ATAD2B: variants seen among roughly 807,000 people sequenced by gnomAD.
ATAD2B encodes ATPase family AAA domain-containing protein 2B.
A neutral mutation model predicts 167.6 loss-of-function variants in ATAD2B; 40 were observed. That is an observed-to-expected ratio of 0.24 (90% CI 0.19 to 0.31). The LOEUF is 0.31. Ranked by LOEUF, ATAD2B falls within the 10% of genes least tolerant of loss-of-function variation. ATAD2B has a pLI of 1.00. For missense variants in ATAD2B, 1,242 were observed against 1,757.2 expected (o/e 0.71, Z 5.24); for synonymous variants, 579 against 596.5 (o/e 0.97, Z 0.43).
intron 15 of ATAD2B, 85 bp downstream of exon 15, chr2:23,828,764 T>A: frequency 2.4e-6 from 2 of 816,330 alleles, no homozygotes; most frequent in African/African-American, 3.4e-5. Flanking sequence ...AACATAACTA[T>A]GCTCATTCAC....
In ATAD2B at chr2:23,754,648, T is replaced by C; in HGVS notation, c.4205A>G (p.Lys1402Arg). The change falls in exon 26 of 28, where the codon AAG becomes AGG. Residue 1402 changes from lysine to arginine, a missense_variant and splice_region_variant. Around this residue, in one of 9 missense-constraint regions of ATAD2B, gnomAD observed 282 missense variants for 346.8 expected, o/e 0.81. Coordinates refer to ENST00000238789, the MANE Select transcript of ATAD2B (RefSeq NM_017552.4). ...PPLIVDRERL[K>R]KLLDLLVDKS... ...TTGACTGGGAATAGCTAAGCTTACCTTCAATCTCTCACGATCAACTATAAG... is the reference window on the plus strand; with the variant it reads ...TTGACTGGGAATAGCTAAGCTTACCCTCAATCTCTCACGATCAACTATAAG... 6.2e-7 allele frequency: 1 copy of C among 1,611,722 alleles called. No homozygotes were observed. Among genetic ancestry groups the C allele is most frequent in the African/African-American group, 1.3e-5 (1 of 74,874 alleles).
At chr2:23,880,777 G>T in intron 6 of ATAD2B, 22 bp from the exon 7 acceptor site, 3 of 1,418,264 alleles carry the variant, frequency 2.1e-6, no homozygotes, top group Non-Finnish European at 2.0e-6. Flanking sequence ...CACACAAAAA[G>T]AAAAGAAAAA....
chr2:23,706,912 A>T, the ATAD2B span: 3 of 416,678 alleles, frequency 7.2e-6, no homozygotes, highest in South Asian at 1.5e-4. Context: ...CCTCCTGAAC[A>T]GGGGCGCTCG....
At chr2:23,916,528 A>G (rs1242484506) in intron 1 of ATAD2B, among the ~76,000 whole-genome samples, 2 of 152,206 alleles carry the variant, frequency 1.3e-5, no homozygotes, top group Non-Finnish European at 2.9e-5. Flanking sequence ...TCCAAACCCT[A>G]ATCACAAAAC....
chr2:23,819,922 T>C, intron 16 of ATAD2B, 40 bp from the exon 17 acceptor site: 2 of 1,437,098 alleles, frequency 1.4e-6, no homozygotes, highest in Non-Finnish European at 1.9e-6. Flanking sequence ...GCTTATAAAG[T>C]CATTTAATAT....
At chr2:23,804,859 G>A (rs1420715225) in intron 18 of ATAD2B, among the ~76,000 whole-genome samples, 1 of 151,812 alleles carries the variant, frequency 6.6e-6, no homozygotes, top group Admixed American at 6.6e-5. Flanking sequence ...ATTTCTCTTG[G>A]CTGGGCACAG....
At chr2:23,920,667 A>G (rs532420324) in intron 1 of ATAD2B, among the ~76,000 whole-genome samples, 2 of 152,314 alleles carry the variant, frequency 1.3e-5, no homozygotes, top group Non-Finnish European at 2.9e-5. Context: ...AGCCAAAGGT[A>G]TATATCCTAC....
the ATAD2B span, among the ~76,000 whole-genome samples, chr2:23,702,542 G>C: frequency 6.6e-6 from 1 of 152,072 alleles, no homozygotes; most frequent in Non-Finnish European, 1.5e-5. Flanking sequence ...TGTTTTCCCT[G>C]TGCCCACTCA....
At chr2:23,734,785 AC>A in the ATAD2B span, among the ~76,000 whole-genome samples, 1 of 152,156 alleles carries the variant, frequency 6.6e-6, no homozygotes, top group Admixed American at 6.5e-5. Context: ...GTGGGTGGGG[AC>A]ACAGACCCAA....
rs1685375847 is a variant in ATAD2B at position 23,810,454 on chromosome 2, A to G, written c.2316T>C (p.Ser772=). 6.2e-7 allele frequency: 1 copy of G among 1,613,982 alleles called. No homozygotes were observed. The highest frequency in any genetic ancestry group is 1.1e-5 in the South Asian group (1 of 91,086). The change falls in exon 18 of 28, where the codon TCT becomes TCC. Residue 772 remains serine (S), a synonymous_variant. Coordinates refer to ENST00000238789, the MANE Select transcript of ATAD2B (RefSeq NM_017552.4). ...AAGTTTGACCTGAGCCCCGTTCTCC[A>G]GAGAGCAATAAGCGTGGCCTGTAAG... ...PTSYRPRLLL[S]GERGSGQTSH... is the part of the protein sequence containing the mutation.
intron 22 of ATAD2B, among the ~76,000 whole-genome samples, chr2:23,774,310 C>T (rs1678763152): frequency 6.6e-6 from 1 of 152,008 alleles, no homozygotes; most frequent in African/African-American, 2.4e-5. Context: ...ATTAACCAGG[C>T]ATGGTTGTAA....
chr2:23,865,302 G>A (rs1694969190), intron 10 of ATAD2B, among the ~76,000 whole-genome samples: 1 of 152,098 alleles, frequency 6.6e-6, no homozygotes, highest in South Asian at 2.1e-4. Flanking sequence ...CCCAAGGAGG[G>A]CGGATCACCT....
chr2:23,721,516 G>A, the ATAD2B span, among the ~76,000 whole-genome samples: 4 of 151,976 alleles, frequency 2.6e-5, no homozygotes, highest in Admixed American at 2.6e-4. Context: ...CTGAACAGCT[G>A]TGTGCCTACA....
At chr2:23,895,150 T>TA (rs778012420) in intron 2 of ATAD2B, among the ~76,000 whole-genome samples, 10 of 151,338 alleles carry the variant, frequency 6.6e-5, no homozygotes, top group Non-Finnish European at 1.2e-4. Context: ...CAGACCCATG[T>TA]AAAAAAAAAT....
chr2:23,831,593 A>C (rs572395104), intron 14 of ATAD2B, among the ~76,000 whole-genome samples: 3 of 152,184 alleles, frequency 2.0e-5, no homozygotes, highest in African/African-American at 7.2e-5. Flanking sequence ...GTGCCTCCCA[A>C]TTCACTGAGA....
At chr2:23,816,556 C>T (rs1686483228) in intron 17 of ATAD2B, among the ~76,000 whole-genome samples, 1 of 152,016 alleles carries the variant, frequency 6.6e-6, no homozygotes, top group African/African-American at 2.4e-5. Context: ...GGATATAATC[C>T]AGATAATGTA....
chr2:23,733,329 TCTC>T, the ATAD2B span, among the ~76,000 whole-genome samples: 2 of 152,174 alleles, frequency 1.3e-5, no homozygotes, highest in East Asian at 1.9e-4. Flanking sequence ...CATAAAATCG[TCTC>T]CTCAAGTTCC....
chr2:23,707,418 G>A, the ATAD2B span: 1 of 152,192 alleles, frequency 6.6e-6, no homozygotes, highest in Non-Finnish European at 1.5e-5. Context: ...CTGAGAGGAG[G>A]AGCAGGCCAC....
At chr2:23,834,831 T>C (rs914156730) in intron 13 of ATAD2B, among the ~76,000 whole-genome samples, 3 of 152,246 alleles carry the variant, frequency 2.0e-5, no homozygotes, top group Non-Finnish European at 2.9e-5. Flanking sequence ...GGTGGGCAGA[T>C]TGCTTGAACC....
Sources: allele counts gnomAD v4.1 joint callset (sites outside exome capture counted in the v4.1 genomes callset), GRCh38; gene constraint gnomAD v4.1.1; regional missense constraint gnomAD v4.1.1; transcripts MANE v1.5; gene names NCBI Gene and HGNC (gene_info 2026-07-23, HGNC 2026-07-21).